Variants in SMG1 observed in about 807,000 individuals in gnomAD.
SMG1 encodes serine/threonine-protein kinase SMG1.
Under a neutral mutation model 419.9 loss-of-function variants are expected in SMG1, and 22 were observed. The ratio of observed to expected loss-of-function variants is 0.05; its 90% CI spans 0.04 to 0.07. SMG1 has a LOEUF of 0.07. SMG1 is among the 10% of genes least tolerant of loss of function. The probability of loss-of-function intolerance (pLI) is 1.00; values close to 1 mark genes in which losing one functional copy is unlikely to be tolerated. For missense variants in SMG1, 3,185 were observed against 4,342.0 expected (o/e 0.73, Z 7.49); for synonymous variants, 1,538 against 1,553.5 (o/e 0.99, Z 0.23).
rs182566542 is a variant in SMG1, at chr16:18,872,166, C to T, written c.2183+18G>A. ...TTAACAAAGTTAGGAATAGTTAATA[C>T]TATATAATATCTGTTACCTCGTGTC... On this transcript the variant is annotated intron_variant, in intron 15 of 62. Transcript: ENST00000446231. The T allele has an allele frequency of 6.0e-3, 8,001 of 1,338,034 alleles. 35 individuals carry two copies. The highest frequency in any genetic ancestry group is 8.0e-3 in the Middle Eastern group (30 of 3,740). The allele number at this position is 1,338,034 out of a possible 1,614,324, so 82.9% of individuals were successfully genotyped here.
At position 18,907,104 on chromosome 16, in the gene SMG1, C is replaced by T. The variant is rs149145660; in HGVS notation, c.93-10148G>A. Among the ~76,000 whole-genome samples, 56 of 152,018 alleles carry T rather than the reference C, an allele frequency of 3.7e-4. 1 individual carries two copies. In the East Asian group the frequency reaches 6.6e-3, roughly 18 times the overall value. On this transcript the variant is annotated intron_variant, in intron 1 of 62. Coordinates refer to ENST00000446231, the MANE Select transcript of SMG1 (RefSeq NM_015092.5). ...TTCAAGATCCGCCTGGCCAATATGACGAAACCCCGTCTATGAAAAATACAA... is the reference window on the plus strand; with the variant it reads ...TTCAAGATCCGCCTGGCCAATATGATGAAACCCCGTCTATGAAAAATACAA...
intron 46 of SMG1, 120 bp downstream of exon 46, chr16:18,837,133 A>G (rs1345852221): frequency 1.3e-5 from 12 of 958,778 alleles, no homozygotes; most frequent in Non-Finnish European, 1.5e-5. Flanking sequence ...GCAGTCACTG[A>G]GACAGCTTTT....
At chr16:18,903,911 C>A (rs1159824168) in intron 1 of SMG1, among the ~76,000 whole-genome samples, 2 of 150,884 alleles carry the variant, frequency 1.3e-5, no homozygotes, top group African/African-American at 4.9e-5. Context: ...TCTATTCCCC[C>A]CATTTTCCAA....
intron 10 of SMG1, 34 bp downstream of exon 10, chr16:18,882,131 T>C (rs2036427342): frequency 1.4e-6 from 2 of 1,458,570 alleles, no homozygotes; most frequent in Non-Finnish European, 1.8e-6. Context: ...AATTTTATTT[T>C]TGAATGACAC....
intron 1 of SMG1, chr16:18,925,579 G>A (rs1189179100): frequency 9.1e-6 from 2 of 220,876 alleles, no homozygotes; most frequent in Admixed American, 6.0e-5. Context: ...AAGTGAATGA[G>A]TAACAGGGAG....
intron 3 of SMG1, among the ~76,000 whole-genome samples, chr16:18,892,980 G>A (rs1464922229): frequency 6.6e-6 from 1 of 152,204 alleles, no homozygotes; most frequent in Non-Finnish European, 1.5e-5. Context: ...CTTTCTTTGG[G>A]TCCATTCCAA....
In SMG1 at chr16:18,863,011, A is replaced by G. The variant is rs144125728; in HGVS notation, c.3695+639T>C. 9.1e-3 allele frequency among the ~76,000 whole-genome samples: 1,380 copies of G among 152,356 alleles called. 6 individuals are homozygous for G. Among genetic ancestry groups the G allele is most frequent in the South Asian group, 0.024 (117 of 4,834 alleles). ...TGAGTGAGGTTCAATTAATCCTTCTATCAATATTCTTTATCTAATCTTTGC... is the reference window on the plus strand; with the variant it reads ...TGAGTGAGGTTCAATTAATCCTTCTGTCAATATTCTTTATCTAATCTTTGC... On this transcript the variant is annotated intron_variant, in intron 25 of 62. Transcript: ENST00000446231.
chr16:18,886,673 A>G (rs1318952997), intron 6 of SMG1, among the ~76,000 whole-genome samples: 1 of 152,150 alleles, frequency 6.6e-6, no homozygotes, highest in Admixed American at 6.6e-5. Flanking sequence ...ACAGTGGCAC[A>G]TGCCTGTAAT....
At chr16:18,917,539 C>T (rs903577730) in intron 1 of SMG1, among the ~76,000 whole-genome samples, 4 of 151,822 alleles carry the variant, frequency 2.6e-5, no homozygotes, top group East Asian at 2.0e-4. Flanking sequence ...CCTCCCACTG[C>T]GATTTCTCTT....
intron 50 of SMG1, among the ~76,000 whole-genome samples, 163 bp from the exon 51 acceptor site, chr16:18,833,329 A>T (rs2033337074): frequency 6.6e-6 from 1 of 152,066 alleles, no homozygotes. Context: ...ACTTTTAAAT[A>T]TTTTCTTTTC....
At chr16:18,850,945 A>G (rs2650612) in intron 33 of SMG1, among the ~76,000 whole-genome samples, 27,962 of 152,022 alleles carry the variant, frequency 0.18, 2,661 homozygotes, top group Middle Eastern at 0.25. Flanking sequence ...AGTAGAGACA[A>G]GGTTTCACCA....
rs1333202002 is a variant in SMG1 at position 18,926,183 on chromosome 16, A to G, written c.-142T>C. 5.7e-5 allele frequency: 38 copies of G among 669,864 alleles called. No individual in the cohort carries two copies. The highest frequency in any genetic ancestry group is 1.1e-4 in the Admixed American group (3 of 28,352). The allele number at this position is 669,864 out of a possible 1,614,324, so 41.5% of individuals were successfully genotyped here. ...GGAGGAGGAGGAGGAGGAGGAGGAGAAGGAGGAGGCGGCGGAGGGCGGGGG... is the reference window on the plus strand; with the variant it reads ...GGAGGAGGAGGAGGAGGAGGAGGAGGAGGAGGAGGCGGCGGAGGGCGGGGG... On this transcript the variant is annotated 5_prime_UTR_variant, in exon 1 of 63. Coordinates refer to ENST00000446231, the MANE Select transcript of SMG1 (RefSeq NM_015092.5).
At chr16:18,870,392 A>G (rs1230634383) in intron 18 of SMG1, among the ~76,000 whole-genome samples, 3 of 152,244 alleles carry the variant, frequency 2.0e-5, no homozygotes, top group Non-Finnish European at 4.4e-5. Context: ...GTTATTCTAT[A>G]CTAATTATTG....
chr16:18,842,167 C>T, intron 40 of SMG1, 41 bp downstream of exon 40: 1 of 1,572,310 alleles, frequency 6.4e-7, no homozygotes, highest in Non-Finnish European at 8.6e-7. Flanking sequence ...ATTAGTAAGA[C>T]TAATACTCTT....
At chr16:18,895,469 A>ACT (rs34778320) in intron 3 of SMG1, among the ~76,000 whole-genome samples, 27,681 of 151,158 alleles carry the variant, frequency 0.18, 2,612 homozygotes, top group Middle Eastern at 0.25. Context: ...ACAGAGCAAG[A>ACT]CTGTCTCAAA....
At chr16:18,879,789 T>G (rs994819962) in intron 10 of SMG1, 70 bp from the exon 11 acceptor site, 46 of 949,668 alleles carry the variant, frequency 4.8e-5, no homozygotes, top group Non-Finnish European at 6.8e-5. Flanking sequence ...AAAATACTTT[T>G]TATTTAATGC....
At chr16:18,834,739 C>A (rs1031883974) in intron 49 of SMG1, among the ~76,000 whole-genome samples, 153 bp downstream of exon 49, 3 of 152,092 alleles carry the variant, frequency 2.0e-5, no homozygotes, top group African/African-American at 7.2e-5. Flanking sequence ...AGAGTGAGAC[C>A]CTGTCTCAAA....
chr16:18,894,732 T>C (rs904794564), intron 3 of SMG1, among the ~76,000 whole-genome samples: 12 of 150,960 alleles, frequency 7.9e-5, no homozygotes, highest in Admixed American at 7.3e-4. Flanking sequence ...TAATTACATC[T>C]GACAAAGCCC....
In SMG1 at chr16:18,882,189, T is replaced by G; in HGVS notation, c.1269A>C (p.Pro423=). The G allele has an allele frequency of 6.3e-7, 1 of 1,583,110 alleles. No individual in the cohort carries two copies. The highest frequency in any genetic ancestry group is 8.6e-7 in the Non-Finnish European group (1 of 1,166,722). The change falls in exon 10 of 63, where the codon CCA becomes CCC. Residue 423 remains proline (P), a synonymous_variant. Coordinates refer to ENST00000446231, the MANE Select transcript of SMG1 (RefSeq NM_015092.5). ...CATCTGTTACATATGCCTCAGTAAT[T>G]GGAGGACCCCGAATTGGGCTGAAGC... ...GERFSPIRGP[P]ITEAYVTDVL...
Sources: gnomAD v4.1 joint callset for allele counts (sites outside exome capture counted in the v4.1 genomes callset) on GRCh38, gnomAD v4.1.1 for gene constraint, MANE v1.5 for transcripts, NCBI Gene and HGNC (gene_info 2026-07-23, HGNC 2026-07-21) for gene names.